The following XRCC5 variants were observed in gnomAD, a reference collection of about 807,000 sequenced individuals.
The protein encoded by XRCC5 is DNA repair protein Ku80.
Under a neutral mutation model 95.7 loss-of-function variants are expected in XRCC5, and 12 were observed. That is an observed-to-expected ratio of 0.13 (90% CI 0.08 to 0.20). The LOEUF is 0.20. Among genes scored for constraint, XRCC5 ranks in the 10% least tolerant of loss-of-function variants. The pLI is 1.00. For missense variants in XRCC5, 595 were observed against 873.9 expected, an observed-to-expected ratio of 0.68 and a Z score of 4.02; for synonymous variants, 281 against 290.3, an observed-to-expected ratio of 0.97 and a Z score of 0.33.
intron 1 of XRCC5, 52 bp from the exon 2 acceptor site, chr2:216,112,964 G>T (rs1439348339): frequency 7.1e-7 from 1 of 1,410,456 alleles, no homozygotes; most frequent in Non-Finnish European, 1.0e-6. Flanking sequence ...CATTCTTACA[G>T]TCTTTTCTTA....
chr2:216,187,468 G>C (rs1305375731), intron 16 of XRCC5, among the ~76,000 whole-genome samples: 1 of 24,314 alleles, frequency 4.1e-5, no homozygotes, highest in Admixed American at 2.7e-4. Context: ...GATAGCAACT[G>C]TGTGTGTGTG....
At chr2:216,122,617 A>C (rs1017285291) in intron 6 of XRCC5, among the ~76,000 whole-genome samples, 1 of 151,964 alleles carries the variant, frequency 6.6e-6, no homozygotes, top group East Asian at 1.9e-4. Flanking sequence ...AAAAAACATT[A>C]TTAATTATAG....
chr2:216,168,807 A>G (rs746649067), intron 16 of XRCC5, among the ~76,000 whole-genome samples: 9 of 152,254 alleles, frequency 5.9e-5, no homozygotes, highest in Admixed American at 2.6e-4. Context: ...TAGATCGCAT[A>G]TAAGTTACAG....
At chr2:216,179,103 G>A (rs1305786455) in intron 16 of XRCC5, among the ~76,000 whole-genome samples, 1 of 152,204 alleles carries the variant, frequency 6.6e-6, no homozygotes, top group Non-Finnish European at 1.5e-5. Context: ...TGCAGTTCTG[G>A]AGACTAAAGT....
intron 11 of XRCC5, 151 bp from the exon 12 acceptor site, chr2:216,137,938 A>C: frequency 3.2e-6 from 2 of 623,980 alleles, no homozygotes; most frequent in Non-Finnish European, 5.6e-6. Context: ...CAGTAGCAGA[A>C]GTCAAAACAC....
intron 16 of XRCC5, among the ~76,000 whole-genome samples, chr2:216,172,464 C>CTTTTATTTTTTTTT (rs1689183461): frequency 1.4e-5 from 1 of 70,350 alleles, no homozygotes; most frequent in Non-Finnish European, 3.1e-5. Flanking sequence ...ATCAGCTTTT[C>CTTTTATTTTTTTTT]TTTTCTTTTT....
chr2:216,185,638 A>C (rs1378826128), intron 16 of XRCC5, among the ~76,000 whole-genome samples: 1 of 151,424 alleles, frequency 6.6e-6, no homozygotes, highest in East Asian at 1.9e-4. Context: ...ATAAAGATGC[A>C]ATTGTCATTG....
intron 19 of XRCC5, among the ~76,000 whole-genome samples, chr2:216,199,205 T>A (rs1334741119): frequency 1.3e-5 from 2 of 152,238 alleles, no homozygotes; most frequent in Non-Finnish European, 2.9e-5. Flanking sequence ...CATAAGTTAT[T>A]TAAAGTTAGC....
At chr2:216,202,545 A>T (rs1384085719) in intron 19 of XRCC5, among the ~76,000 whole-genome samples, 2 of 152,222 alleles carry the variant, frequency 1.3e-5, no homozygotes, top group African/African-American at 4.8e-5. Context: ...TGAATGAAAC[A>T]GAAGCTTCAT....
intron 15 of XRCC5, 43 bp downstream of exon 15, chr2:216,160,204 G>A (rs1319699181): frequency 2.8e-6 from 4 of 1,422,812 alleles, no homozygotes; most frequent in South Asian, 1.3e-5. Flanking sequence ...TTGCAGGAAG[G>A]TTGGGGCTTG....
Position 216,205,299 on chromosome 2 carries a change from A to G in XRCC5, c.*97A>G, listed in dbSNP as rs1354626307. 13 of 1,477,796 alleles carry G rather than the reference A, an allele frequency of 8.8e-6. No homozygotes were observed. Among genetic ancestry groups the G allele is most frequent in the South Asian group, 1.1e-5 (1 of 88,140 alleles). The allele number at this position is 1,477,796 out of a possible 1,614,324, so 91.5% of individuals were successfully genotyped here. A position where few individuals can be genotyped will look rare whatever the true frequency, so the allele number is the denominator to read the frequency against. On this transcript the variant is annotated 3_prime_UTR_variant, in exon 21 of 21. Coordinates refer to ENST00000392132, the MANE Select transcript of XRCC5 (RefSeq NM_021141.4). ...GATGCGGCCATTCAAGGGGAGCCAA[A>G]ATCTCAAGAAATTCCCAGCAGGTTA...
intron 7 of XRCC5, among the ~76,000 whole-genome samples, chr2:216,127,130 C>T (rs536527410): frequency 6.6e-6 from 1 of 152,180 alleles, no homozygotes; most frequent in Admixed American, 6.5e-5. Flanking sequence ...GTCCCAGCTA[C>T]TTGGGTGTCT....
rs997710634 is a variant in XRCC5 at position 216,116,762 on chromosome 2, A to C, written c.239A>C (p.His80Pro). 11 of 1,614,238 alleles carry C rather than the reference A, an allele frequency of 6.8e-6. No individual in the cohort carries two copies. The highest frequency in any genetic ancestry group is 9.3e-6 in the Non-Finnish European group (11 of 1,180,040). ...GGDQYQNITV[H>P]RHLMLPDFDL... ...GATCAGTATCAGAACATCACAGTGC[A>C]CAGACATCTGATGCTACCAGATTTT... The change falls in exon 3 of 21, where the codon CAC becomes CCC. Residue 80 changes from histidine (H) to proline (P), a missense_variant. His to Pro is a moderately conservative substitution (Grantham distance 77). Transcript: ENST00000392132.
chr2:216,205,328 G>T lies in XRCC5; in HGVS notation c.*126G>T. ...TCAAGAAATTCCCAGCAGGTTACCT[G>T]GAGGCGGATCATCTAATTCTCTGTG... On this transcript the variant is annotated 3_prime_UTR_variant, in exon 21 of 21. Transcript: ENST00000392132. The T allele has an allele frequency of 9.0e-7, 1 of 1,110,314 alleles. No individual in the cohort carries two copies. Among genetic ancestry groups the T allele is most frequent in the Non-Finnish European group, 1.4e-6 (1 of 723,098 alleles). 68.8% of individuals were successfully genotyped at this position (1,110,314 alleles called of 1,614,324 possible).
intron 5 of XRCC5, 97 bp from the exon 6 acceptor site, chr2:216,121,965 A>T: frequency 8.8e-7 from 1 of 1,142,792 alleles, no homozygotes; most frequent in Non-Finnish European, 1.2e-6. Context: ...GAGAAATTTG[A>T]AACTTGAAAA....
At chr2:216,182,732 A>G (rs1689412923) in intron 16 of XRCC5, among the ~76,000 whole-genome samples, 2 of 152,048 alleles carry the variant, frequency 1.3e-5, no homozygotes, top group Non-Finnish European at 2.9e-5. Flanking sequence ...CTTTAAGTGT[A>G]CTCCGTTGTA....
intron 14 of XRCC5, among the ~76,000 whole-genome samples, chr2:216,157,801 C>T (rs1688875213): frequency 6.6e-6 from 1 of 152,286 alleles, no homozygotes; most frequent in South Asian, 2.1e-4. Context: ...TCTCATCATC[C>T]AGATGCACCA....
chr2:216,148,447 C>T (rs1415879566), intron 14 of XRCC5, among the ~76,000 whole-genome samples, 171 bp downstream of exon 14: 1 of 152,202 alleles, frequency 6.6e-6, no homozygotes, highest in Non-Finnish European at 1.5e-5. Context: ...TATCTGTCTG[C>T]TGTGATCATA....
intron 14 of XRCC5, among the ~76,000 whole-genome samples, chr2:216,155,202 C>G (rs1483550665): frequency 7.2e-6 from 1 of 139,146 alleles, no homozygotes; most frequent in African/African-American, 2.8e-5. Flanking sequence ...AGCCACTGCA[C>G]TCCAGCTTGG....
Sources: gnomAD v4.1 joint callset for allele counts (sites outside exome capture counted in the v4.1 genomes callset) on GRCh38, gnomAD v4.1.1 for gene constraint, MANE v1.5 for transcripts, NCBI Gene and HGNC (gene_info 2026-07-23, HGNC 2026-07-21) for gene names.